Variants in AP1S3 observed in about 807,000 individuals in gnomAD.
AP1S3 encodes the protein adaptor related protein complex 1 subunit sigma 3, also known as AP-1 complex subunit sigma-3.
Under a neutral mutation model 20.9 loss-of-function variants are expected in AP1S3, and 10 were observed. The observed-to-expected ratio is 0.48, with a 90% confidence interval of 0.29 to 0.81. The LOEUF (loss-of-function observed/expected upper bound fraction) is 0.81, where lower values mean the gene tolerates loss of function less well. Among genes scored for constraint, AP1S3 ranks in the 30% least tolerant of loss-of-function variants. The pLI is 0.08. For synonymous variants in AP1S3, 41 were observed against 61.5 expected (o/e 0.67, Z 1.56); for missense variants, 154 against 183.8 (o/e 0.84, Z 0.94).
Position 223,756,730 on chromosome 2 carries a change from TG to T in AP1S3, c.*1984del. 1 of 985,452 alleles carries T rather than the reference TG, an allele frequency of 1.0e-6. No individual in the cohort carries two copies. 61.0% of individuals were successfully genotyped at this position (985,452 alleles called of 1,614,324 possible). A position where few individuals can be genotyped will look rare whatever the true frequency, so the allele number is the denominator to read the frequency against. ...TGGTGAATTTTTCCCTTTGTTCTCC[TG>T]CTTGCTTTGCTGTTTTCCCTAAATA... is the stretch of plus-strand genomic sequence containing the variant. On this transcript the variant is annotated 3_prime_UTR_variant, in exon 5 of 5. Transcript: ENST00000396654.
At chr2:223,796,147 T>C (rs1258992036) in intron 1 of AP1S3, among the ~76,000 whole-genome samples, 1 of 151,910 alleles carries the variant, frequency 6.6e-6, no homozygotes, top group Non-Finnish European at 1.5e-5. Context: ...CACTCCAGCC[T>C]GGGCAACACA....
intron 1 of AP1S3, among the ~76,000 whole-genome samples, chr2:223,833,812 G>T (rs984830113): frequency 6.6e-6 from 1 of 152,168 alleles, no homozygotes; most frequent in Non-Finnish European, 1.5e-5. Flanking sequence ...GCCTTCACAC[G>T]CATTCACTTA....
chr2:223,788,494 C>T (rs1259074088), intron 1 of AP1S3, among the ~76,000 whole-genome samples: 1 of 151,238 alleles, frequency 6.6e-6, no homozygotes, highest in Non-Finnish European at 1.5e-5. Flanking sequence ...TGGCTCACGC[C>T]TGTAATCCCA....
intron 1 of AP1S3, among the ~76,000 whole-genome samples, chr2:223,797,553 G>A (rs1388101259): frequency 1.3e-5 from 2 of 152,134 alleles, no homozygotes; most frequent in African/African-American, 4.8e-5. Flanking sequence ...CCTGAGATCA[G>A]GAGTTCGAGA....
At chr2:223,773,806 A>G (rs1690690741) in intron 3 of AP1S3, among the ~76,000 whole-genome samples, 1 of 152,248 alleles carries the variant, frequency 6.6e-6, no homozygotes, top group African/African-American at 2.4e-5. Context: ...GAGTAAGGGA[A>G]TAGGGAAGAG....
intron 1 of AP1S3, among the ~76,000 whole-genome samples, chr2:223,823,981 G>A (rs1449494649): frequency 1.3e-5 from 2 of 152,118 alleles, no homozygotes; most frequent in African/African-American, 2.4e-5. Flanking sequence ...GGGTGTAGAG[G>A]GAAATAGTAG....
In AP1S3 at chr2:223,757,624, T is replaced by C; in HGVS notation, c.*1091A>G. The C allele has an allele frequency of 1.0e-6, 1 of 985,410 alleles. No homozygotes were observed. The allele number at this position is 985,410 out of a possible 1,614,324, so 61.0% of individuals were successfully genotyped here. ...TCCCTGTAATATGTCTGATCACTGT[T>C]AGGACCTGGTTATACAGAATTTTCA... On this transcript the variant is annotated 3_prime_UTR_variant, in exon 5 of 5. Coordinates refer to ENST00000396654, the MANE Select transcript of AP1S3 (RefSeq NM_001039569.2).
intron 1 of AP1S3, among the ~76,000 whole-genome samples, chr2:223,780,276 A>AATAT (rs138804582): frequency 1.7e-3 from 41 of 24,356 alleles, no homozygotes; most frequent in Non-Finnish European, 1.8e-3. Context: ...ATGCCTGGCT[A>AATAT]ATATATATAT....
At chr2:223,763,297 T>C (rs1690404337) in intron 4 of AP1S3, among the ~76,000 whole-genome samples, 1 of 152,218 alleles carries the variant, frequency 6.6e-6, no homozygotes, top group Non-Finnish European at 1.5e-5. Context: ...ACTTCCTAGA[T>C]TTAAATGGAA....
chr2:223,775,480 T>C (rs755758966), intron 3 of AP1S3, among the ~76,000 whole-genome samples: 5 of 152,080 alleles, frequency 3.3e-5, no homozygotes, highest in Non-Finnish European at 7.3e-5. Flanking sequence ...ACAGTTAAAT[T>C]CTGGTTCACT....
chr2:223,796,130 A>G (rs1421107482), intron 1 of AP1S3, among the ~76,000 whole-genome samples: 1 of 152,270 alleles, frequency 6.6e-6, no homozygotes, highest in Non-Finnish European at 1.5e-5. Flanking sequence ...CCAAGATCGC[A>G]TCATTGCACT....
intron 1 of AP1S3, among the ~76,000 whole-genome samples, chr2:223,799,714 T>G (rs896718527): frequency 1.1e-4 from 17 of 152,172 alleles, no homozygotes; most frequent in Non-Finnish European, 2.1e-4. Context: ...ACTCACAAAA[T>G]TCTAGCATTA....
At chr2:223,825,894 G>A (rs1692116783) in intron 1 of AP1S3, among the ~76,000 whole-genome samples, 1 of 152,072 alleles carries the variant, frequency 6.6e-6, no homozygotes, top group East Asian at 1.9e-4. Context: ...GCGGGCACCT[G>A]TAACCCCAGC....
chr2:223,773,305 G>A, intron 3 of AP1S3: 1 of 1,304,024 alleles, frequency 7.7e-7, no homozygotes, highest in South Asian at 1.2e-5. Context: ...TTACGGGAAT[G>A]CCCAGACCTC....
intron 2 of AP1S3, among the ~76,000 whole-genome samples, chr2:223,776,780 A>G (rs890593645): frequency 6.6e-6 from 1 of 152,140 alleles, no homozygotes; most frequent in Non-Finnish European, 1.5e-5. Context: ...GATATGGTAA[A>G]AACAATATAC....
intron 4 of AP1S3, among the ~76,000 whole-genome samples, chr2:223,764,499 C>A (rs1423980901): frequency 2.0e-5 from 3 of 152,078 alleles, no homozygotes; most frequent in South Asian, 2.1e-4. Context: ...TCTAAAAGAA[C>A]ATTCCCACTT....
At position 223,767,127 on chromosome 2, in the gene AP1S3, C is replaced by A. The variant is rs1690504511; in HGVS notation, c.292-1777G>T. On this transcript the variant is annotated intron_variant, in intron 3 of 4. Transcript: ENST00000396654. Reference sequence around the variant, plus strand: ...AGCAAACCACCATGGCACATAAATACCTATGTAACAAACCTGCACATTCTG... The same window carrying A: ...AGCAAACCACCATGGCACATAAATAACTATGTAACAAACCTGCACATTCTG... 3.9e-5 allele frequency among the ~76,000 whole-genome samples: 6 copies of A among 151,994 alleles called. No homozygotes were observed. In the South Asian group the frequency reaches 8.3e-4, roughly 21 times the overall value.
At chr2:223,764,827 G>A (rs1218739743) in intron 4 of AP1S3, among the ~76,000 whole-genome samples, 1 of 152,122 alleles carries the variant, frequency 6.6e-6, no homozygotes, top group Non-Finnish European at 1.5e-5. Flanking sequence ...CTAAGTATTT[G>A]ATACCTTTTT....
chr2:223,798,320 G>A (rs1311939752), intron 1 of AP1S3, among the ~76,000 whole-genome samples: 3 of 152,112 alleles, frequency 2.0e-5, no homozygotes. Flanking sequence ...CACACCATCT[G>A]GTGGCAGAAC....
Sources: gnomAD v4.1 joint callset for allele counts (sites outside exome capture counted in the v4.1 genomes callset) on GRCh38, gnomAD v4.1.1 for gene constraint, MANE v1.5 for transcripts, NCBI Gene and HGNC (gene_info 2026-07-23, HGNC 2026-07-21) for gene names.